The following PSEN1 variants were observed in gnomAD, a reference collection of about 807,000 sequenced individuals.
PSEN1 encodes presenilin 1.
In PSEN1, 15 loss-of-function variants were observed where a neutral mutation model predicts 53.5. The ratio of observed to expected loss-of-function variants is 0.28; its 90% CI spans 0.19 to 0.43. The LOEUF (loss-of-function observed/expected upper bound fraction) is 0.43. Among genes scored for constraint, PSEN1 ranks in the 20% least tolerant of loss-of-function variants. PSEN1 has a pLI of 1.00. For missense variants in PSEN1, 387 were observed against 571.2 expected (o/e 0.68, Z 3.29); for synonymous variants, 208 against 209.8 (o/e 0.99, Z 0.08).
intron 3 of PSEN1, among the ~76,000 whole-genome samples, chr14:73,169,762 T>G (rs1186358479): frequency 6.6e-6 from 1 of 152,082 alleles, no homozygotes; most frequent in Non-Finnish European, 1.5e-5. Flanking sequence ...TCTCCTGCCG[T>G]AGCCTCATGA....
At chr14:73,174,745 C>T (rs544251391) in intron 5 of PSEN1, among the ~76,000 whole-genome samples, 4 of 152,266 alleles carry the variant, frequency 2.6e-5, no homozygotes, top group African/African-American at 9.6e-5. Flanking sequence ...TCACACCTTG[C>T]CTAAACTGGT....
chr14:73,184,794 T>G (rs1263032480), intron 5 of PSEN1, among the ~76,000 whole-genome samples: 2 of 143,852 alleles, frequency 1.4e-5, no homozygotes, highest in African/African-American at 5.3e-5. Flanking sequence ...GCGGAGACGC[T>G]CCTCACTTCC....
At chr14:73,180,302 C>A (rs1898172265) in intron 5 of PSEN1, among the ~76,000 whole-genome samples, 1 of 151,420 alleles carries the variant, frequency 6.6e-6, no homozygotes, top group African/African-American at 2.4e-5. Context: ...TCATTTTAGA[C>A]AGTTTAAGAG....
chr14:73,201,277 G>A lies in PSEN1; in HGVS notation c.868+3148G>A, dbSNP rs539774357. Among the ~76,000 whole-genome samples the A allele has an allele frequency of 1.2e-4, 18 of 152,180 alleles. No homozygotes were observed. The South Asian group carries it at 2.9e-3, about 25-fold the overall frequency. On this transcript the variant is annotated intron_variant, in intron 8 of 11. Transcript: ENST00000324501. ...TAATTTTTGTATTTTTAGTAGCAAC[G>A]GGGTTTCACCATGTTAGCCAGGATG...
At chr14:73,140,315 A>AT (rs1896888526) in intron 1 of PSEN1, among the ~76,000 whole-genome samples, 1 of 136,636 alleles carries the variant, frequency 7.3e-6, no homozygotes, top group Non-Finnish European at 1.5e-5. Flanking sequence ...GGTTCAAGTG[A>AT]TTCTTCTGCC....
At chr14:73,151,878 T>TTATATATATATA (rs768963474) in intron 3 of PSEN1, among the ~76,000 whole-genome samples, 4 of 56,930 alleles carry the variant, frequency 7.0e-5, no homozygotes, top group South Asian at 7.0e-4. Context: ...CTAAAATATT[T>TTATATATATATA]TATATATATA....
At chr14:73,170,602 G>C (rs1594997443) in intron 3 of PSEN1, among the ~76,000 whole-genome samples, 195 bp from the exon 4 acceptor site, 1 of 152,192 alleles carries the variant, frequency 6.6e-6, no homozygotes, top group East Asian at 1.9e-4. Flanking sequence ...AGGTAAAAGA[G>C]AGGACCTGAA....
intron 3 of PSEN1, among the ~76,000 whole-genome samples, chr14:73,164,398 G>A (rs747009241): frequency 1.3e-5 from 2 of 152,218 alleles, no homozygotes; most frequent in Non-Finnish European, 2.9e-5. Flanking sequence ...CCTAAGAGGA[G>A]ATCAGTTATA....
chr14:73,207,908 C>G (rs1292249460), intron 9 of PSEN1, among the ~76,000 whole-genome samples: 1 of 152,240 alleles, frequency 6.6e-6, no homozygotes, highest in African/African-American at 2.4e-5. Flanking sequence ...TACTAGCTCC[C>G]TGCTGCAGCT....
intron 11 of PSEN1, 26 bp from the exon 12 acceptor site, chr14:73,219,108 G>A (rs375590666): frequency 1.3e-5 from 21 of 1,611,994 alleles, no homozygotes; most frequent in South Asian, 2.2e-5. Context: ...ATGTGTGAAT[G>A]TGTGTCTTTC....
chr14:73,150,115 G>A (rs562450338), intron 3 of PSEN1, among the ~76,000 whole-genome samples: 2 of 152,064 alleles, frequency 1.3e-5, no homozygotes, highest in Non-Finnish European at 2.9e-5. Flanking sequence ...AGAAAGTATG[G>A]CACATAATGT....
At chr14:73,216,670 A>G (rs1899927452) in intron 10 of PSEN1, among the ~76,000 whole-genome samples, 2 of 152,136 alleles carry the variant, frequency 1.3e-5, no homozygotes, top group African/African-American at 4.8e-5. Context: ...GAGACAGGAA[A>G]GTCGCTTGAA....
chr14:73,189,426 C>A (rs185391558), intron 6 of PSEN1, among the ~76,000 whole-genome samples: 1 of 150,212 alleles, frequency 6.7e-6, no homozygotes, highest in Admixed American at 6.7e-5. Context: ...GCCTGGCCAA[C>A]GTGGTGAAAA....
At chr14:73,187,172 A>G (rs1211818568) in intron 6 of PSEN1, among the ~76,000 whole-genome samples, 1 of 152,246 alleles carries the variant, frequency 6.6e-6, no homozygotes, top group East Asian at 1.9e-4. Flanking sequence ...TTTGAAGATT[A>G]TATAGTCTTC....
chr14:73,155,496 T>C (rs573769917), intron 3 of PSEN1, among the ~76,000 whole-genome samples: 1 of 152,274 alleles, frequency 6.6e-6, no homozygotes, highest in Admixed American at 6.5e-5. Context: ...GAATCAAATA[T>C]ATATTATCAT....
At chr14:73,170,693 T>G in intron 3 of PSEN1, 104 bp from the exon 4 acceptor site, 1 of 1,258,998 alleles carries the variant, frequency 7.9e-7, no homozygotes. Context: ...GCTTCAGGTT[T>G]TTAGAACTCA....
chr14:73,142,770 T>A (rs1896963192), intron 1 of PSEN1, among the ~76,000 whole-genome samples: 1 of 152,240 alleles, frequency 6.6e-6, no homozygotes, highest in African/African-American at 2.4e-5. Context: ...CTCCTGGGGC[T>A]TTTAAAATCT....
chr14:73,175,190 G>C (rs532750138), intron 5 of PSEN1, among the ~76,000 whole-genome samples: 66 of 152,170 alleles, frequency 4.3e-4, no homozygotes, highest in African/African-American at 1.5e-3. Flanking sequence ...GTGACAGCGC[G>C]ATCTTGGCTC....
chr14:73,193,735 C>A (rs549939146), intron 7 of PSEN1, among the ~76,000 whole-genome samples: 2 of 152,110 alleles, frequency 1.3e-5, no homozygotes, highest in East Asian at 3.9e-4. Flanking sequence ...TAGCTCACTG[C>A]AACCTTGAAC....
Sources: gnomAD v4.1 joint callset for allele counts (sites outside exome capture counted in the v4.1 genomes callset) on GRCh38, gnomAD v4.1.1 for gene constraint, MANE v1.5 for transcripts, NCBI Gene and HGNC (gene_info 2026-07-23, HGNC 2026-07-21) for gene names.